Variants in SLC45A4 observed in about 807,000 individuals in gnomAD.
SLC45A4 encodes polyamine-transporter SLC45A4.
Under a neutral mutation model 63.7 loss-of-function variants are expected in SLC45A4, and 32 were observed. The observed-to-expected ratio is 0.50, with a 90% CI of 0.38 to 0.67. The LOEUF is 0.67. SLC45A4 is among the 30% of genes least tolerant of loss of function. The pLI, the probability that SLC45A4 is intolerant of heterozygous loss-of-function variation, is 0.00. For missense variants in SLC45A4, 1,027 were observed against 1,157.7 expected (o/e 0.89, Z 1.64); for synonymous variants, 535 against 510.0 (o/e 1.05, Z -0.66).
At chr8:141,213,697 G>A (rs113272274) in intron 7 of SLC45A4, among the ~76,000 whole-genome samples, 7 of 152,218 alleles carry the variant, frequency 4.6e-5, no homozygotes, top group African/African-American at 1.2e-4. Flanking sequence ...GGCAGTGAAC[G>A]CGCAAGCACG....
chr8:141,307,662 G>C (rs1018750708), intron 1 of SLC45A4, among the ~76,000 whole-genome samples: 1 of 152,088 alleles, frequency 6.6e-6, no homozygotes, highest in Non-Finnish European at 1.5e-5. Context: ...GCAGGCAGGG[G>C]TTAGAAGGAC....
chr8:141,229,689 C>A lies in SLC45A4; in HGVS notation c.242-7924G>T. On this transcript the variant is annotated intron_variant, in intron 2 of 8. Transcript: ENST00000517878. This position sits in a 1 kb window ranked among gnomAD's most constrained non-coding sequence, Gnocchi z 5.0. ...GTGCGTGCCAGGTGGGCCCTGACAACAGACCCACTGGGTGATGAGCCTGAC... is the reference window on the plus strand; with the variant it reads ...GTGCGTGCCAGGTGGGCCCTGACAAAAGACCCACTGGGTGATGAGCCTGAC... Among the ~76,000 whole-genome samples, 1 of 152,194 alleles carries A rather than the reference C, an allele frequency of 6.6e-6. No homozygotes were observed. Among genetic ancestry groups the A allele is most frequent in the East Asian group, 1.9e-4 (1 of 5,188 alleles).
Position 141,219,929 on chromosome 8 carries a change from G to A in SLC45A4, c.431-100C>T, listed in dbSNP as rs1334537933. 5.7e-5 allele frequency: 68 copies of A among 1,191,774 alleles called. No individual in the cohort carries two copies. In the South Asian group the frequency reaches 5.9e-4, roughly 10 times the overall value. The allele number at this position is 1,191,774 out of a possible 1,614,324, so 73.8% of individuals were successfully genotyped here. ...TGGAAGGGGCATGCGGAGGGGGCAC[G>A]GCCACAAAACCATGCCAGCCTTCCA... On this transcript the variant is annotated intron_variant, in intron 3 of 8. Transcript: ENST00000517878.
intron 2 of SLC45A4, among the ~76,000 whole-genome samples, chr8:141,249,759 C>T (rs1005844355): frequency 1.3e-5 from 2 of 152,182 alleles, no homozygotes; most frequent in African/African-American, 4.8e-5. Flanking sequence ...AACTCCAACT[C>T]CGATCAGGGA....
chr8:141,266,867 A>G (rs1829287888), intron 1 of SLC45A4, among the ~76,000 whole-genome samples: 1 of 152,248 alleles, frequency 6.6e-6, no homozygotes, highest in East Asian at 1.9e-4. Flanking sequence ...GAAGTGCCTT[A>G]TTCCCACAAA....
intron 1 of SLC45A4, among the ~76,000 whole-genome samples, chr8:141,296,836 C>CCA (rs1830572727): frequency 1.3e-5 from 1 of 77,276 alleles, no homozygotes; most frequent in Non-Finnish European, 2.2e-5. Context: ...ACTCCATTGC[C>CCA]AAAAAAAAAA....
intron 1 of SLC45A4, among the ~76,000 whole-genome samples, chr8:141,259,216 G>A (rs149415902): frequency 5.8e-4 from 88 of 152,366 alleles, no homozygotes; most frequent in African/African-American, 2.1e-3. Flanking sequence ...CAGAGTATCC[G>A]CATGGCCACG....
Position 141,278,657 on chromosome 8 carries a change from C to G in SLC45A4, c.-400-24028G>C. On this transcript the variant is annotated intron_variant, in intron 1 of 8. Coordinates refer to ENST00000517878, the MANE Select transcript of SLC45A4 (RefSeq NM_001286646.2). The surrounding 1 kb of genome is among the most constrained non-coding windows in gnomAD (Gnocchi z 4.1). Reference sequence around the variant, plus strand: ...CCACAGCCCCCACGGGCAGCACAGGCAAGCAAGTGGAGGAAATAGAGGAAC... The same window carrying G: ...CCACAGCCCCCACGGGCAGCACAGGGAAGCAAGTGGAGGAAATAGAGGAAC... Among the ~76,000 whole-genome samples, 1 of 152,238 alleles carries G rather than the reference C, an allele frequency of 6.6e-6. No homozygotes were observed. The highest frequency in any genetic ancestry group is 1.9e-4 in the East Asian group (1 of 5,188).
chr8:141,247,081 C>G (rs1360596805), intron 2 of SLC45A4, among the ~76,000 whole-genome samples: 1 of 152,130 alleles, frequency 6.6e-6, no homozygotes, highest in Non-Finnish European at 1.5e-5. Flanking sequence ...CCGAATGAAG[C>G]TGAAAGCATA....
At chr8:141,242,188 C>T (rs1327533510) in intron 2 of SLC45A4, among the ~76,000 whole-genome samples, 1 of 152,236 alleles carries the variant, frequency 6.6e-6, no homozygotes, top group African/African-American at 2.4e-5. Context: ...ACTCAAACTT[C>T]ACCGTGAAAG....
At position 141,305,901 on chromosome 8, in the gene SLC45A4, A is replaced by AGCTGCC. The variant is rs569544243; in HGVS notation, c.-401+2189_-401+2194dup. ...CCTTTCCTCCATCGGGAAAGTGGGG[A>AGCTGCC]GCTGCCGCTGCCGCAGCCCTCTCCT... On this transcript the variant is annotated intron_variant, in intron 1 of 8. Transcript: ENST00000517878. Among the ~76,000 whole-genome samples, 456 of 152,028 alleles carry AGCTGCC rather than the reference A, an allele frequency of 3.0e-3. 4 individuals are homozygous for AGCTGCC. Among genetic ancestry groups the AGCTGCC allele is most frequent in the African/African-American group, 0.01 (422 of 41,506 alleles).
rs763091003 is a variant in SLC45A4 at position 141,211,717 on chromosome 8, TA to T, written c.2302-21del. The T allele has an allele frequency of 2.3e-5, 35 of 1,516,450 alleles. No homozygotes were observed. Among genetic ancestry groups the T allele is most frequent in the Non-Finnish European group, 1.8e-6 (2 of 1,134,918 alleles). 93.9% of individuals were successfully genotyped at this position (1,516,450 alleles called of 1,614,324 possible). A position where few individuals can be genotyped will look rare whatever the true frequency, so the allele number is the denominator to read the frequency against. On this transcript the variant is annotated intron_variant, in intron 8 of 8. Transcript: ENST00000517878. ...AGGCGTCTACAGAGAGGAAATTTGA[TA>T]AAAATATTTTAGTCACTGACTACAC...
intron 2 of SLC45A4, among the ~76,000 whole-genome samples, chr8:141,247,363 C>T (rs927094740): frequency 7.2e-6 from 1 of 139,314 alleles, no homozygotes; most frequent in Non-Finnish European, 1.6e-5. Context: ...GACGGACCTA[C>T]ATACTAAAAA....
chr8:141,229,693 C>T lies in SLC45A4; in HGVS notation c.242-7928G>A, dbSNP rs987799792. Among the ~76,000 whole-genome samples the T allele has an allele frequency of 1.3e-5, 2 of 152,168 alleles. No homozygotes were observed. Among genetic ancestry groups the T allele is most frequent in the African/African-American group, 2.4e-5 (1 of 41,436 alleles). On this transcript the variant is annotated intron_variant, in intron 2 of 8. Transcript: ENST00000517878. The surrounding 1 kb of genome is among the most constrained non-coding windows in gnomAD (Gnocchi z 5.0). ...GTGCCAGGTGGGCCCTGACAACAGA[C>T]CCACTGGGTGATGAGCCTGACTTCC... is the stretch of plus-strand genomic sequence containing the variant.
At chr8:141,219,098 GC>G in intron 4 of SLC45A4, 69 bp from the exon 5 acceptor site, 1 of 1,539,732 alleles carries the variant, frequency 6.5e-7, no homozygotes, top group Non-Finnish European at 8.8e-7. Flanking sequence ...CTCTGGGAGG[GC>G]CTCTCCCTCT....
chr8:141,231,849 C>T (rs766295878), intron 2 of SLC45A4, among the ~76,000 whole-genome samples: 25 of 152,218 alleles, frequency 1.6e-4, no homozygotes, highest in Non-Finnish European at 3.1e-4. Context: ...TACACAGCGA[C>T]GCCTCTCAAC....
intron 2 of SLC45A4, among the ~76,000 whole-genome samples, chr8:141,237,870 G>A (rs893442965): frequency 4.6e-5 from 7 of 152,200 alleles, no homozygotes; most frequent in Non-Finnish European, 8.8e-5. Context: ...TAGGTGCTCC[G>A]TAAGTACTTG....
rs528544143 is a variant in SLC45A4, at chr8:141,252,871, TTC to T, written c.241+1116_241+1117del. Among the ~76,000 whole-genome samples the T allele has an allele frequency of 1.1e-3, 170 of 150,432 alleles. 1 individual carries two copies. The highest frequency in any genetic ancestry group is 3.6e-3 in the African/African-American group (145 of 40,716). ...TGCCCACCTGCCCGTGTCTGTGAAT[TTC>T]TGTTTTCATATCCACCTGTGTGTCT... On this transcript the variant is annotated intron_variant, in intron 2 of 8. Coordinates refer to ENST00000517878, the MANE Select transcript of SLC45A4 (RefSeq NM_001286646.2).
intron 1 of SLC45A4, among the ~76,000 whole-genome samples, chr8:141,299,249 G>A (rs1342175851): frequency 6.6e-6 from 1 of 152,216 alleles, no homozygotes; most frequent in African/African-American, 2.4e-5. Flanking sequence ...CACCCACAAC[G>A]AGGACGCCAG....
Sources: allele counts gnomAD v4.1 joint callset (sites outside exome capture counted in the v4.1 genomes callset), GRCh38; gene constraint gnomAD v4.1.1; non-coding constraint Gnocchi (gnomAD v3.1); transcripts MANE v1.5; gene names NCBI Gene and HGNC (gene_info 2026-07-23, HGNC 2026-07-21).